The following DEPDC1B variants were observed in gnomAD, a reference collection of about 807,000 sequenced individuals.
The protein encoded by DEPDC1B is DEP domain containing 1B.
Under a neutral mutation model 66.5 loss-of-function variants are expected in DEPDC1B, and 51 were observed. That is an observed-to-expected ratio of 0.77 (90% CI 0.61 to 0.97). The LOEUF (loss-of-function observed/expected upper bound fraction) is 0.97. Ranked by LOEUF, DEPDC1B falls within the 50% of genes least tolerant of loss-of-function variation. The pLI, the probability that DEPDC1B is intolerant of heterozygous loss-of-function variation, is 0.00. For synonymous variants in DEPDC1B, 226 were observed against 223.6 expected (o/e 1.01, Z -0.10); for missense variants, 552 against 637.1 (o/e 0.87, Z 1.44).
At chr5:60,615,435 G>A (rs550405204) in intron 7 of DEPDC1B, among the ~76,000 whole-genome samples, 20 of 152,318 alleles carry the variant, frequency 1.3e-4, no homozygotes, top group Admixed American at 8.5e-4. Context: ...GGAAAATCGG[G>A]TCACTCTCAC....
chr5:60,644,669 G>A, intron 5 of DEPDC1B, 76 bp downstream of exon 5: 1 of 1,274,632 alleles, frequency 7.8e-7, no homozygotes, highest in Non-Finnish European at 1.1e-6. Flanking sequence ...TTAGGGAAGG[G>A]TCAGAAAGGA....
chr5:60,676,874 A>G (rs1354571435), intron 2 of DEPDC1B, among the ~76,000 whole-genome samples: 1 of 152,234 alleles, frequency 6.6e-6, no homozygotes, highest in East Asian at 1.9e-4. Context: ...ACAGTCTGGT[A>G]TAATATTATA....
chr5:60,675,649 G>T (rs1042088505), intron 2 of DEPDC1B, among the ~76,000 whole-genome samples: 6 of 152,050 alleles, frequency 3.9e-5, no homozygotes, highest in Non-Finnish European at 8.8e-5. Flanking sequence ...CAAAGCTTAC[G>T]GACTACATAC....
intron 7 of DEPDC1B, among the ~76,000 whole-genome samples, chr5:60,606,902 A>G (rs994891575): frequency 1.3e-5 from 2 of 152,092 alleles, no homozygotes; most frequent in Non-Finnish European, 2.9e-5. Context: ...TATCTGTCCT[A>G]TATCCAACCA....
intron 7 of DEPDC1B, among the ~76,000 whole-genome samples, chr5:60,616,517 C>T (rs888585726): frequency 5.3e-5 from 8 of 152,022 alleles, no homozygotes; most frequent in East Asian, 1.9e-4. Context: ...GTTGCTGATT[C>T]GATCAAATGG....
At chr5:60,604,215 A>ATTATTTTTTTT (rs1323826916) in intron 8 of DEPDC1B, among the ~76,000 whole-genome samples, 1 of 60,120 alleles carries the variant, frequency 1.7e-5, no homozygotes, top group African/African-American at 4.6e-5. Context: ...GAAATTAACT[A>ATTATTTTTTTT]TTCTTTTTTT....
At chr5:60,678,803 G>GT (rs1754227958) in intron 2 of DEPDC1B, among the ~76,000 whole-genome samples, 1 of 152,142 alleles carries the variant, frequency 6.6e-6, no homozygotes, top group Non-Finnish European at 1.5e-5. Flanking sequence ...GCACTCCACT[G>GT]TCACATATGT....
intron 3 of DEPDC1B, among the ~76,000 whole-genome samples, chr5:60,646,149 G>A (rs1753311628): frequency 6.6e-6 from 1 of 152,086 alleles, no homozygotes. Flanking sequence ...ATGGCAAAAG[G>A]AACAGAAATT....
chr5:60,650,127 G>C (rs547512763), intron 2 of DEPDC1B, among the ~76,000 whole-genome samples: 1 of 152,026 alleles, frequency 6.6e-6, no homozygotes, highest in Non-Finnish European at 1.5e-5. Context: ...GAGATGAGAG[G>C]ATCACTTGAA....
chr5:60,621,763 G>A (rs1366324317), intron 7 of DEPDC1B, among the ~76,000 whole-genome samples: 3 of 152,040 alleles, frequency 2.0e-5, no homozygotes, highest in Non-Finnish European at 4.4e-5. Flanking sequence ...AACAGTTTTT[G>A]GTTATTACTC....
At chr5:60,634,988 G>T (rs1753010379) in intron 7 of DEPDC1B, among the ~76,000 whole-genome samples, 1 of 149,516 alleles carries the variant, frequency 6.7e-6, no homozygotes, top group African/African-American at 2.5e-5. Context: ...GAACCCAGAA[G>T]ATGGAGGTTG....
At position 60,605,858 on chromosome 5, in the gene DEPDC1B, T is replaced by A; in HGVS notation, c.899-2A>T. 6.3e-7 allele frequency: 1 copy of A among 1,597,240 alleles called. No individual in the cohort carries two copies. On this transcript the variant is annotated splice_acceptor_variant, in intron 7 of 10. Transcript: ENST00000265036. LOFTEE classifies it high-confidence loss of function. ...CCACTTTCTCCTTCTGTAACAAACCTGATTTAGAAAAAAAAAAATGTTATC... is the reference window on the plus strand; with the variant it reads ...CCACTTTCTCCTTCTGTAACAAACCAGATTTAGAAAAAAAAAAATGTTATC...
intron 1 of DEPDC1B, among the ~76,000 whole-genome samples, chr5:60,690,598 T>C (rs572192649): frequency 4.6e-5 from 7 of 152,356 alleles, no homozygotes; most frequent in African/African-American, 1.7e-4. Context: ...AGTCATATTC[T>C]CATTTTCTCT....
At chr5:60,672,845 C>T (rs1174355140) in intron 2 of DEPDC1B, among the ~76,000 whole-genome samples, 1 of 152,170 alleles carries the variant, frequency 6.6e-6, no homozygotes, top group African/African-American at 2.4e-5. Flanking sequence ...CCATACTAAG[C>T]TCACATTATA....
intron 9 of DEPDC1B, among the ~76,000 whole-genome samples, chr5:60,601,402 AG>A (rs1309460796): frequency 6.6e-6 from 1 of 152,256 alleles, no homozygotes; most frequent in African/African-American, 2.4e-5. Context: ...AAGTAGGCAA[AG>A]GGGCAAAGAA....
intron 2 of DEPDC1B, among the ~76,000 whole-genome samples, chr5:60,683,980 C>A (rs1754355144): frequency 1.3e-5 from 2 of 150,442 alleles, no homozygotes; most frequent in African/African-American, 2.4e-5. Context: ...GAAAAGAAAT[C>A]AAAAAAGCAA....
chr5:60,691,997 A>G (rs137945266), intron 1 of DEPDC1B, among the ~76,000 whole-genome samples: 1 of 152,238 alleles, frequency 6.6e-6, no homozygotes, highest in Non-Finnish European at 1.5e-5. Flanking sequence ...AATACTATTC[A>G]GCCTTTAAAA....
chr5:60,663,305 T>C (rs949281885), intron 2 of DEPDC1B, among the ~76,000 whole-genome samples: 10 of 152,072 alleles, frequency 6.6e-5, no homozygotes, highest in Non-Finnish European at 1.5e-4. Flanking sequence ...CTCCAAAAGA[T>C]TGTTAAGGAC....
chr5:60,615,354 C>T (rs972678750), intron 7 of DEPDC1B, among the ~76,000 whole-genome samples: 19 of 152,188 alleles, frequency 1.2e-4, no homozygotes, highest in Admixed American at 9.8e-4. Flanking sequence ...GACGCATCGC[C>T]TCACCTGGGA....
Sources: gnomAD v4.1 joint callset for allele counts (sites outside exome capture counted in the v4.1 genomes callset) on GRCh38, gnomAD v4.1.1 for gene constraint, MANE v1.5 for transcripts, NCBI Gene and HGNC (gene_info 2026-07-23, HGNC 2026-07-21) for gene names.